The following RBFOX3 variants were observed in gnomAD, a reference collection of about 807,000 sequenced individuals.
RBFOX3 encodes the protein RNA binding fox-1 homolog 3.
In RBFOX3, 17 loss-of-function variants were observed where a neutral mutation model predicts 48.7. That is an observed-to-expected ratio of 0.35 (90% CI 0.24 to 0.52). RBFOX3 has a LOEUF of 0.52. Ranked by LOEUF, RBFOX3 falls within the 20% of genes least tolerant of loss-of-function variation. RBFOX3 has a pLI of 0.94. For synonymous variants in RBFOX3, 212 were observed against 209.5 expected (o/e 1.01, Z -0.10); for missense variants, 382 against 497.5 (o/e 0.77, Z 2.21).
At chr17:79,098,860 G>C (rs550061866) in intron 9 of RBFOX3, 2 of 152,372 alleles carry the variant, frequency 1.3e-5, no homozygotes, top group African/African-American at 4.8e-5. Context: ...GAGCCCACTG[G>C]CCAGCTGGGG....
intron 2 of RBFOX3, among the ~76,000 whole-genome samples, chr17:79,349,802 C>A (rs554817999): frequency 1.3e-5 from 2 of 151,770 alleles, no homozygotes; most frequent in Admixed American, 1.3e-4. Flanking sequence ...CAGGGCCTTG[C>A]CTCCTAGGGA....
At position 79,207,972 on chromosome 17, in the gene RBFOX3, G is replaced by A. The variant is rs548154851; in HGVS notation, c.-34+27794C>T. Among the ~76,000 whole-genome samples the A allele has an allele frequency of 1.4e-3, 219 of 152,270 alleles. 1 individual carries two copies. Among genetic ancestry groups the A allele is most frequent in the African/African-American group, 4.8e-3 (199 of 41,550 alleles). On this transcript the variant is annotated intron_variant, in intron 4 of 14. Transcript: ENST00000693108. ...CAGTATGGGCCACAAGTCCGGGACC[G>A]CGGGAGCCTCGGCAAGCCTCGGCTG... is the stretch of plus-strand genomic sequence containing the variant.
rs1423328646 is a variant in RBFOX3, at chr17:79,198,064, G to C, written c.-34+37702C>G. On this transcript the variant is annotated intron_variant, in intron 4 of 14. Coordinates refer to ENST00000693108, the MANE Select transcript of RBFOX3 (RefSeq NM_001350451.2). The surrounding 1 kb of genome is among the most constrained non-coding windows in gnomAD (Gnocchi z 8.2). ...TCTGTCTGCGTCAGGAGAGTCGTGT[G>C]GGGTGGGCTTGTCATCCCGGAAGTG... is the stretch of plus-strand genomic sequence containing the variant. Among the ~76,000 whole-genome samples, 1 of 140,126 alleles carries C rather than the reference G, an allele frequency of 7.1e-6. No individual in the cohort carries two copies. Among genetic ancestry groups the C allele is most frequent in the Non-Finnish European group, 1.5e-5 (1 of 65,290 alleles). The allele number at this position is 140,126 out of a possible 152,430, so 91.9% of individuals were successfully genotyped here. A position where few individuals can be genotyped will look rare whatever the true frequency, so the allele number is the denominator to read the frequency against.
chr17:79,304,070 C>T (rs565550156), intron 3 of RBFOX3, among the ~76,000 whole-genome samples: 1 of 152,214 alleles, frequency 6.6e-6, no homozygotes, highest in South Asian at 2.1e-4. Flanking sequence ...TTTGCAGTCT[C>T]CTTTATAATG....
At chr17:79,163,101 G>C (rs1200948285) in intron 4 of RBFOX3, among the ~76,000 whole-genome samples, 1 of 152,174 alleles carries the variant, frequency 6.6e-6, no homozygotes, top group African/African-American at 2.4e-5. Context: ...GTTCAAGCTG[G>C]GGGAGAAAAG....
intron 1 of RBFOX3, among the ~76,000 whole-genome samples, chr17:79,574,567 G>T (rs1055473546): frequency 6.6e-6 from 1 of 152,152 alleles, no homozygotes; most frequent in South Asian, 2.1e-4. Flanking sequence ...CCTCAGGTCC[G>T]GGAAATTCCC....
intron 1 of RBFOX3, among the ~76,000 whole-genome samples, chr17:79,543,527 A>G (rs1336920461): frequency 6.6e-6 from 1 of 151,898 alleles, no homozygotes; most frequent in African/African-American, 2.4e-5. Flanking sequence ...CTACTCAGCT[A>G]CTCGGCACAG....
At chr17:79,485,798 G>A (rs999149755) in intron 1 of RBFOX3, among the ~76,000 whole-genome samples, 3 of 152,206 alleles carry the variant, frequency 2.0e-5, no homozygotes, top group East Asian at 1.9e-4. Context: ...CCTCCTTGGC[G>A]CCCCGCACCC....
At chr17:79,544,228 G>A (rs1321067569) in intron 1 of RBFOX3, among the ~76,000 whole-genome samples, 2 of 152,134 alleles carry the variant, frequency 1.3e-5, no homozygotes, top group South Asian at 2.1e-4. Flanking sequence ...ACTTGTGTGT[G>A]TTTTCTTCCA....
intron 2 of RBFOX3, among the ~76,000 whole-genome samples, chr17:79,347,107 C>T (rs1199951962): frequency 2.0e-5 from 3 of 152,158 alleles, no homozygotes; most frequent in South Asian, 2.1e-4. Flanking sequence ...ATCTGAATGA[C>T]AATTTGGCTG....
intron 2 of RBFOX3, among the ~76,000 whole-genome samples, chr17:79,440,255 T>C (rs1295373218): frequency 6.6e-6 from 1 of 152,260 alleles, no homozygotes; most frequent in Non-Finnish European, 1.5e-5. Flanking sequence ...GAGACAGCGC[T>C]GTCCTGCGGA....
At chr17:79,519,861 G>A (rs893242945) in intron 1 of RBFOX3, among the ~76,000 whole-genome samples, 12 of 152,138 alleles carry the variant, frequency 7.9e-5, no homozygotes, top group Non-Finnish European at 1.6e-4. Context: ...TGGCTGCTGC[G>A]AGAGGACCAG....
At chr17:79,564,966 G>A (rs1047202998) in intron 1 of RBFOX3, among the ~76,000 whole-genome samples, 7 of 151,094 alleles carry the variant, frequency 4.6e-5, no homozygotes, top group Non-Finnish European at 2.9e-5. Flanking sequence ...GCTTGAACCC[G>A]GGAGGCGGAG....
chr17:79,521,083 TG>T (rs1178874008), intron 1 of RBFOX3, among the ~76,000 whole-genome samples: 1 of 152,102 alleles, frequency 6.6e-6, no homozygotes, highest in East Asian at 1.9e-4. Flanking sequence ...GCAAAGAGGA[TG>T]GGGGGCATGA....
At chr17:79,545,767 C>T (rs1330178412) in intron 1 of RBFOX3, among the ~76,000 whole-genome samples, 2 of 152,216 alleles carry the variant, frequency 1.3e-5, no homozygotes, top group African/African-American at 2.4e-5. Flanking sequence ...CCTTCACCAC[C>T]CTGCTCCAGG....
chr17:79,567,915 C>T (rs2092527582), intron 1 of RBFOX3, among the ~76,000 whole-genome samples: 1 of 152,176 alleles, frequency 6.6e-6, no homozygotes, highest in Non-Finnish European at 1.5e-5. Context: ...TATAAAAGAA[C>T]CTGCCTGACC....
intron 1 of RBFOX3, among the ~76,000 whole-genome samples, chr17:79,553,130 T>A (rs1206343416): frequency 6.6e-6 from 1 of 152,240 alleles, no homozygotes; most frequent in Non-Finnish European, 1.5e-5. Flanking sequence ...TTGAATATGA[T>A]TACAGTCACG....
chr17:79,608,902 G>A (rs2093902899), intron 1 of RBFOX3, among the ~76,000 whole-genome samples: 1 of 151,948 alleles, frequency 6.6e-6, no homozygotes, highest in South Asian at 2.1e-4. Context: ...CGCCGGGATG[G>A]TTCTAAGAAG....
chr17:79,177,192 C>A (rs1706376573), intron 4 of RBFOX3, among the ~76,000 whole-genome samples: 1 of 150,750 alleles, frequency 6.6e-6, no homozygotes, highest in South Asian at 2.1e-4. Context: ...CCCAAGGCCA[C>A]CACTGGCCTC....
Sources: allele counts gnomAD v4.1 joint callset (sites outside exome capture counted in the v4.1 genomes callset), GRCh38; gene constraint gnomAD v4.1.1; non-coding constraint Gnocchi (gnomAD v3.1); transcripts MANE v1.5; gene names NCBI Gene and HGNC (gene_info 2026-07-23, HGNC 2026-07-21).